The following PSD3 variants were observed in gnomAD, a reference collection of about 807,000 sequenced individuals.
PSD3 encodes PH and SEC7 domain-containing protein 3.
PSD3 carries 49 observed loss-of-function variants against 105.5 expected under a neutral mutation model. That is an observed-to-expected ratio of 0.46 (90% confidence interval 0.37 to 0.59). PSD3 has a LOEUF of 0.59. Ranked by LOEUF, PSD3 falls within the 20% of genes least tolerant of loss-of-function variation. The pLI, the probability that PSD3 is intolerant of heterozygous loss-of-function variation, is 0.00. For missense variants in PSD3, 1,561 were observed against 1,263.8 expected, an observed-to-expected ratio of 1.24 and a Z score of -3.57; for synonymous variants, 557 against 457.8, an observed-to-expected ratio of 1.22 and a Z score of -2.77.
At chr8:18,997,846 G>A (rs759003718) in intron 1 of PSD3, among the ~76,000 whole-genome samples, 16 of 151,784 alleles carry the variant, frequency 1.1e-4, no homozygotes, top group Non-Finnish European at 2.4e-4. Flanking sequence ...ATTTGTAACT[G>A]CAACTCCACC....
In PSD3 at chr8:18,761,785, T is replaced by C. The variant is rs150664495; in HGVS notation, c.2172+3664A>G. 2.9e-4 allele frequency among the ~76,000 whole-genome samples: 44 copies of C among 152,314 alleles called. No individual in the cohort carries two copies. In the East Asian group the frequency reaches 6.0e-3, roughly 21 times the overall value. ...TCCATTGTCCCCAAGGATGCTTGAA[T>C]ACAAACCACATCCAACCGCTGGGAT... On this transcript the variant is annotated intron_variant, in intron 9 of 15. Transcript: ENST00000327040.
rs187695184 is a variant in PSD3 at position 18,577,060 on chromosome 8, T to C, written c.2482-1775A>G. On this transcript the variant is annotated intron_variant, in intron 12 of 15. Coordinates refer to ENST00000327040, the MANE Select transcript of PSD3 (RefSeq NM_015310.4). ...TTAAGAAAGAATTTAAGGTTACAAT[T>C]TTTCCTCTGAGTATGGGTTACACTG... Among the ~76,000 whole-genome samples the C allele has an allele frequency of 1.0e-3, 157 of 152,166 alleles. 1 individual carries two copies. The highest frequency in any genetic ancestry group is 3.7e-3 in the African/African-American group (155 of 41,562).
At chr8:18,728,336 A>G (rs1236909440) in intron 9 of PSD3, among the ~76,000 whole-genome samples, 1 of 152,252 alleles carries the variant, frequency 6.6e-6, no homozygotes, top group East Asian at 1.9e-4. Context: ...TTATAGTCTC[A>G]TAGAAACATT....
chr8:18,690,418 G>C (rs1046403317), intron 9 of PSD3, among the ~76,000 whole-genome samples: 1 of 152,154 alleles, frequency 6.6e-6, no homozygotes, highest in African/African-American at 2.4e-5. Flanking sequence ...AGATACATTG[G>C]ATCAAAACGT....
chr8:18,893,999 T>C (rs1818984454), intron 2 of PSD3, among the ~76,000 whole-genome samples: 1 of 152,182 alleles, frequency 6.6e-6, no homozygotes, highest in Non-Finnish European at 1.5e-5. Flanking sequence ...TATCATCCAA[T>C]CAACACACCG....
chr8:18,842,566 T>C (rs1315982153), intron 4 of PSD3, among the ~76,000 whole-genome samples: 1 of 152,032 alleles, frequency 6.6e-6, no homozygotes, highest in Non-Finnish European at 1.5e-5. Flanking sequence ...ACCCCGTGTC[T>C]ACTAAAAATA....
chr8:18,669,740 G>T (rs1474322287), intron 9 of PSD3, among the ~76,000 whole-genome samples: 2 of 152,240 alleles, frequency 1.3e-5, no homozygotes, highest in Non-Finnish European at 2.9e-5. Flanking sequence ...TGGCAGTTAA[G>T]TGAAACCATG....
At chr8:18,619,979 C>G (rs1247130289) in intron 11 of PSD3, among the ~76,000 whole-genome samples, 1 of 152,146 alleles carries the variant, frequency 6.6e-6, no homozygotes, top group Non-Finnish European at 1.5e-5. Context: ...AAGAGCCCAA[C>G]ACCTCAAAAG....
At chr8:18,955,586 G>A (rs1229735356) in intron 1 of PSD3, among the ~76,000 whole-genome samples, 3 of 151,522 alleles carry the variant, frequency 2.0e-5, no homozygotes, top group African/African-American at 4.9e-5. Context: ...CTGATTATTC[G>A]TTTATGAAAA....
At chr8:18,838,527 C>A (rs901675610) in intron 4 of PSD3, among the ~76,000 whole-genome samples, 1 of 152,028 alleles carries the variant, frequency 6.6e-6, no homozygotes, top group Admixed American at 6.6e-5. Context: ...TCCGGCTGAG[C>A]GTGGTGGCTC....
At chr8:18,772,806 G>C (rs542951759) in intron 8 of PSD3, among the ~76,000 whole-genome samples, 2 of 152,214 alleles carry the variant, frequency 1.3e-5, no homozygotes, top group South Asian at 4.1e-4. Flanking sequence ...CACTGCGCCC[G>C]GCCCTTGTGA....
intron 1 of PSD3, among the ~76,000 whole-genome samples, chr8:19,042,133 G>C (rs1169346491): frequency 6.6e-6 from 1 of 152,180 alleles, no homozygotes; most frequent in African/African-American, 2.4e-5. Context: ...GAATGAACAT[G>C]TGGCTTTTAA....
chr8:18,924,192 G>A (rs1162345508), intron 2 of PSD3, among the ~76,000 whole-genome samples: 1 of 152,120 alleles, frequency 6.6e-6, no homozygotes, highest in Non-Finnish European at 1.5e-5. Context: ...GAAAGTTATA[G>A]TCACTTCCTG....
intron 8 of PSD3, among the ~76,000 whole-genome samples, chr8:18,775,883 T>C (rs1769821976): frequency 6.6e-6 from 1 of 152,018 alleles, no homozygotes; most frequent in South Asian, 2.1e-4. Context: ...AATTTAGAGG[T>C]CTTCCCCTCC....
chr8:18,646,965 A>G (rs543579695), intron 10 of PSD3, among the ~76,000 whole-genome samples: 3 of 152,334 alleles, frequency 2.0e-5, no homozygotes, highest in South Asian at 4.1e-4. Context: ...TGAATGAACA[A>G]TCAAGGTACC....
At chr8:18,572,003 G>C (rs1802172282) in intron 14 of PSD3, among the ~76,000 whole-genome samples, 1 of 152,154 alleles carries the variant, frequency 6.6e-6, no homozygotes, top group African/African-American at 2.4e-5. Context: ...AAATACACTT[G>C]GAGCAGAGTT....
intron 9 of PSD3, among the ~76,000 whole-genome samples, chr8:18,677,792 C>T (rs1023739051): frequency 3.3e-5 from 5 of 152,148 alleles, no homozygotes; most frequent in South Asian, 2.1e-4. Context: ...GGCCAGATCA[C>T]GAGGTCAGGA....
At position 18,879,051 on chromosome 8, in the gene PSD3, A is replaced by AACACACACACACAC. The variant is rs59598569; in HGVS notation, c.131-6332_131-6319dup. On this transcript the variant is annotated intron_variant, in intron 2 of 15. Coordinates refer to ENST00000327040, the MANE Select transcript of PSD3 (RefSeq NM_015310.4). ...ACAAACAAACAAACACACACACACA[A>AACACACACACACAC]ACACACACACACACACACACACACA... is the stretch of plus-strand genomic sequence containing the variant. 1.9e-3 allele frequency among the ~76,000 whole-genome samples: 268 copies of AACACACACACACAC among 138,624 alleles called. 1 individual carries two copies. The highest frequency in any genetic ancestry group is 7.5e-3 in the Middle Eastern group (2 of 268). The allele number at this position is 138,624 out of a possible 152,430, so 90.9% of individuals were successfully genotyped here.
At chr8:18,569,562 T>G (rs1802020775) in intron 14 of PSD3, among the ~76,000 whole-genome samples, 1 of 105,472 alleles carries the variant, frequency 9.5e-6, no homozygotes, top group Non-Finnish European at 1.9e-5. Context: ...GTGAAGGACC[T>G]CTTCCAGGAG....
Sources: allele counts gnomAD v4.1 joint callset (sites outside exome capture counted in the v4.1 genomes callset), GRCh38; gene constraint gnomAD v4.1.1; transcripts MANE v1.5; gene names NCBI Gene and HGNC (gene_info 2026-07-23, HGNC 2026-07-21).